TAFA2: variants seen among roughly 807,000 people sequenced by gnomAD.
The protein encoded by TAFA2 is chemokine-like protein TAFA-2.
A neutral mutation model predicts 18.8 loss-of-function variants in TAFA2; 7 were observed. That is an observed-to-expected ratio of 0.37 (90% confidence interval 0.21 to 0.70). The LOEUF (loss-of-function observed/expected upper bound fraction) is 0.70, where lower values mean the gene tolerates loss of function less well. Ranked by LOEUF, TAFA2 falls within the 30% of genes least tolerant of loss-of-function variation. The pLI is 0.53. For synonymous variants in TAFA2, 60 were observed against 54.2 expected (o/e 1.11, Z -0.47); for missense variants, 122 against 158.1 (o/e 0.77, Z 1.23).
At chr12:61,849,030 G>C (rs1012280799) in intron 2 of TAFA2, among the ~76,000 whole-genome samples, 3 of 152,030 alleles carry the variant, frequency 2.0e-5, no homozygotes, top group Admixed American at 1.3e-4. Context: ...TGTTAGTAGA[G>C]ACAGGGTTTC....
At chr12:62,071,800 C>A (rs185495395) in intron 1 of TAFA2, among the ~76,000 whole-genome samples, 16 of 152,182 alleles carry the variant, frequency 1.1e-4, no homozygotes, top group Non-Finnish European at 2.4e-4. Context: ...TTGGCTTGAA[C>A]AACTGGGTGG....
chr12:61,960,382 C>A (rs1339193640), intron 1 of TAFA2, among the ~76,000 whole-genome samples: 2 of 151,968 alleles, frequency 1.3e-5, no homozygotes, highest in Admixed American at 6.6e-5. Context: ...CAAACTGTGT[C>A]TAATTATCAT....
intron 1 of TAFA2, among the ~76,000 whole-genome samples, chr12:61,956,455 T>C (rs866406288): frequency 1.3e-5 from 2 of 152,156 alleles, no homozygotes; most frequent in African/African-American, 4.8e-5. Context: ...CCCTAATTTT[T>C]CTGACAATTA....
At chr12:62,126,514 G>C (rs1870466407) in intron 1 of TAFA2, among the ~76,000 whole-genome samples, 1 of 152,010 alleles carries the variant, frequency 6.6e-6, no homozygotes, top group Non-Finnish European at 1.5e-5. Flanking sequence ...TTCTTTCCAG[G>C]GTAAAGTTTG....
intron 1 of TAFA2, chr12:62,198,199 T>G (rs1006893473): frequency 1.3e-5 from 2 of 150,718 alleles, no homozygotes; most frequent in East Asian, 1.9e-4. Flanking sequence ...AAAAAAAAAA[T>G]GAGACAATCT....
chr12:61,863,845 C>T (rs1874229056), intron 2 of TAFA2, among the ~76,000 whole-genome samples: 1 of 152,138 alleles, frequency 6.6e-6, no homozygotes, highest in African/African-American at 2.4e-5. Flanking sequence ...CACTCCTTGC[C>T]ATGGGGAACA....
chr12:61,753,477 C>T (rs548163061), intron 4 of TAFA2, 145 bp downstream of exon 4: 7 of 658,232 alleles, frequency 1.1e-5, no homozygotes, highest in Middle Eastern at 2.6e-4. Context: ...ATGAAAAAAG[C>T]GAACTAAGAA....
intron 2 of TAFA2, among the ~76,000 whole-genome samples, chr12:61,761,834 C>T (rs1168441575): frequency 6.6e-6 from 1 of 152,052 alleles, no homozygotes; most frequent in East Asian, 1.9e-4. Flanking sequence ...ACTCAAATCC[C>T]ATGCTGAAAT....
chr12:62,228,917 T>A (rs1441562592), intron 1 of TAFA2, among the ~76,000 whole-genome samples: 3 of 152,198 alleles, frequency 2.0e-5, no homozygotes, highest in African/African-American at 7.2e-5. Flanking sequence ...CAATTTTCCT[T>A]GTAGAGAACT....
intron 1 of TAFA2, among the ~76,000 whole-genome samples, chr12:61,922,974 C>A (rs1160582831): frequency 6.6e-6 from 1 of 152,174 alleles, no homozygotes; most frequent in Non-Finnish European, 1.5e-5. Flanking sequence ...TAAACAAAGC[C>A]ACCAGGAAGT....
intron 2 of TAFA2, among the ~76,000 whole-genome samples, chr12:61,815,061 T>C (rs1872022584): frequency 1.3e-5 from 2 of 151,532 alleles, no homozygotes; most frequent in South Asian, 2.1e-4. Flanking sequence ...ACAGCAGCAA[T>C]AGAAAATACA....
chr12:62,112,144 T>G (rs1441295376), intron 1 of TAFA2, among the ~76,000 whole-genome samples: 2 of 152,216 alleles, frequency 1.3e-5, no homozygotes, highest in African/African-American at 4.8e-5. Flanking sequence ...CCTTTCCATA[T>G]TTAGTGCTTC....
At chr12:61,979,777 G>A (rs1273556126) in intron 1 of TAFA2, among the ~76,000 whole-genome samples, 1 of 152,026 alleles carries the variant, frequency 6.6e-6, no homozygotes, top group East Asian at 1.9e-4. Flanking sequence ...CCCCTCCCCA[G>A]TGGCAGATCC....
chr12:61,865,853 C>T (rs907781071), intron 2 of TAFA2, among the ~76,000 whole-genome samples: 2 of 152,102 alleles, frequency 1.3e-5, no homozygotes, highest in African/African-American at 4.8e-5. Flanking sequence ...CTTTCATAAG[C>T]TGGGAAGGGG....
chr12:61,885,208 A>G (rs557614550), intron 1 of TAFA2, among the ~76,000 whole-genome samples: 11 of 152,334 alleles, frequency 7.2e-5, no homozygotes, highest in South Asian at 2.1e-4. Flanking sequence ...ACCCATATCC[A>G]GGTCCTCTGA....
chr12:61,944,476 GA>G (rs2121431578), intron 1 of TAFA2, among the ~76,000 whole-genome samples: 1 of 121,600 alleles, frequency 8.2e-6, no homozygotes, highest in Admixed American at 8.3e-5. Flanking sequence ...GAAGGAAATA[GA>G]GACACAAAAA....
intron 1 of TAFA2, among the ~76,000 whole-genome samples, chr12:62,004,372 T>A (rs1407530474): frequency 6.6e-6 from 1 of 152,184 alleles, no homozygotes; most frequent in Non-Finnish European, 1.5e-5. Flanking sequence ...ATGGTTATAT[T>A]CTTTTCAACT....
chr12:61,915,284 G>C (rs1001447255), intron 1 of TAFA2, among the ~76,000 whole-genome samples: 1 of 152,166 alleles, frequency 6.6e-6, no homozygotes, highest in Non-Finnish European at 1.5e-5. Context: ...ACAAAAATAC[G>C]TAATCCATAT....
chr12:61,837,089 T>C (rs1186486663), intron 2 of TAFA2, among the ~76,000 whole-genome samples: 7 of 151,760 alleles, frequency 4.6e-5, no homozygotes, highest in Non-Finnish European at 1.0e-4. Context: ...TTAATTTTTA[T>C]TTTTATATAA....
Sources: gnomAD v4.1 joint callset for allele counts (sites outside exome capture counted in the v4.1 genomes callset) on GRCh38, gnomAD v4.1.1 for gene constraint, MANE v1.5 for transcripts, NCBI Gene and HGNC (gene_info 2026-07-23, HGNC 2026-07-21) for gene names.